The following HTR1F variants were observed in gnomAD, a reference collection of about 807,000 sequenced individuals.
HTR1F encodes 5-hydroxytryptamine (serotonin) receptor 1F, G protein-coupled.
HTR1F carries 17 observed loss-of-function variants against 24.0 expected under a neutral mutation model. That is an observed-to-expected ratio of 0.71 (90% confidence interval 0.48 to 1.06). The LOEUF (loss-of-function observed/expected upper bound fraction) is 1.06, where lower values mean the gene tolerates loss of function less well. Ranked by LOEUF, HTR1F falls within the 50% of genes least tolerant of loss-of-function variation. The pLI is 0.00. For synonymous variants in HTR1F, 186 were observed against 156.8 expected (o/e 1.19, Z -1.39); for missense variants, 391 against 427.8 (o/e 0.91, Z 0.76).
chr3:87,808,544 G>T (rs1704109869), intron 1 of HTR1F, among the ~76,000 whole-genome samples: 1 of 150,034 alleles, frequency 6.7e-6, no homozygotes, highest in South Asian at 2.1e-4. Flanking sequence ...TATTTATTTT[G>T]ATTATCTTTA....
intron 2 of HTR1F, among the ~76,000 whole-genome samples, chr3:87,897,233 G>GTT (rs1299789543): frequency 3.2e-5 from 4 of 126,784 alleles, no homozygotes; most frequent in African/African-American, 1.1e-4. Flanking sequence ...ATATATAAAT[G>GTT]TTTTATATAT....
At chr3:87,903,073 T>G (rs572600844) in intron 2 of HTR1F, among the ~76,000 whole-genome samples, 2 of 151,912 alleles carry the variant, frequency 1.3e-5, no homozygotes, top group Non-Finnish European at 2.9e-5. Flanking sequence ...GCTAGCCATA[T>G]GTAGAAAGCT....
At chr3:87,804,315 T>C (rs962480510) in intron 1 of HTR1F, among the ~76,000 whole-genome samples, 6 of 152,186 alleles carry the variant, frequency 3.9e-5, no homozygotes, top group South Asian at 2.1e-4. Flanking sequence ...TGCATGCCTG[T>C]GGTCCCAGCT....
At chr3:87,810,306 C>T (rs1229798961) in intron 1 of HTR1F, among the ~76,000 whole-genome samples, 2 of 152,196 alleles carry the variant, frequency 1.3e-5, no homozygotes, top group African/African-American at 2.4e-5. Context: ...CTTCCTTCAT[C>T]GGAAATGTCA....
At chr3:87,897,969 A>C (rs1465117584) in intron 2 of HTR1F, among the ~76,000 whole-genome samples, 3 of 152,112 alleles carry the variant, frequency 2.0e-5, no homozygotes, top group Non-Finnish European at 4.4e-5. Flanking sequence ...AGCCTGGCAC[A>C]GATTCAGTGA....
At chr3:87,909,766 C>T (rs1703737796) in intron 2 of HTR1F, among the ~76,000 whole-genome samples, 1 of 152,014 alleles carries the variant, frequency 6.6e-6, no homozygotes, top group Non-Finnish European at 1.5e-5. Context: ...CTGCTATATT[C>T]CTCCATTCAC....
intron 2 of HTR1F, among the ~76,000 whole-genome samples, chr3:87,875,695 C>G (rs570625274): frequency 6.6e-6 from 1 of 151,748 alleles, no homozygotes. Context: ...GAGGCCGAGG[C>G]GGGCAGATCA....
intron 2 of HTR1F, among the ~76,000 whole-genome samples, chr3:87,880,763 A>G (rs77506527): frequency 0.04 from 6,055 of 152,098 alleles, 164 homozygotes; most frequent in Middle Eastern, 0.058. Context: ...CAAAGTAGCA[A>G]TAATAGGTAA....
intron 2 of HTR1F, among the ~76,000 whole-genome samples, chr3:87,900,391 G>C (rs1331927652): frequency 6.6e-6 from 1 of 152,234 alleles, no homozygotes; most frequent in East Asian, 1.9e-4. Context: ...GAAGGAAAGA[G>C]TTGTCAGAAA....
chr3:87,991,417 A>C lies in HTR1F; in HGVS notation c.668A>C (p.Glu223Ala). Residue 223 changes from glutamate (E) to alanine (A), a missense_variant, in exon 3 of 3, where the codon GAG becomes GCG. Glu to Ala is a moderately radical substitution (Grantham distance 107). Coordinates refer to ENST00000319595, the MANE Select transcript of HTR1F (RefSeq NM_001322209.2). ...HKRQASRIAK[E>A]EVNGQVLLES... ...AGACAAGCAAGTAGGATTGCAAAGG[A>C]GGAGGTGAATGGCCAAGTCCTTTTG... 1 of 1,614,024 alleles carries C rather than the reference A, an allele frequency of 6.2e-7. No homozygotes were observed. The highest frequency in any genetic ancestry group is 8.5e-7 in the Non-Finnish European group (1 of 1,179,962).
intron 1 of HTR1F, among the ~76,000 whole-genome samples, chr3:87,803,770 A>G (rs1461956903): frequency 6.6e-6 from 1 of 152,228 alleles, no homozygotes; most frequent in Non-Finnish European, 1.5e-5. Flanking sequence ...GAAGAATAAT[A>G]TAGAACTACA....
chr3:87,929,392 C>A (rs1704205630), intron 2 of HTR1F, among the ~76,000 whole-genome samples: 2 of 152,122 alleles, frequency 1.3e-5, no homozygotes, highest in Non-Finnish European at 2.9e-5. Flanking sequence ...TATGGTTTTA[C>A]CTATTTTCAG....
intron 2 of HTR1F, among the ~76,000 whole-genome samples, chr3:87,954,885 C>T (rs1314774746): frequency 2.0e-5 from 3 of 151,370 alleles, no homozygotes; most frequent in Non-Finnish European, 4.4e-5. Context: ...CTGTTTTCAA[C>T]CCCGTTCAAC....
intron 2 of HTR1F, among the ~76,000 whole-genome samples, chr3:87,887,476 G>T (rs1285911071): frequency 7.9e-5 from 12 of 152,094 alleles, no homozygotes; most frequent in African/African-American, 2.7e-4. Flanking sequence ...TTGACAAATG[G>T]GATCTAATTA....
chr3:87,920,029 T>TTATATA (rs74326472), intron 2 of HTR1F, among the ~76,000 whole-genome samples: 1,429 of 142,010 alleles, frequency 0.01, 19 homozygotes, highest in African/African-American at 0.021. Context: ...ATATGTAATA[T>TTATATA]TATATATATA....
At chr3:87,817,233 G>A (rs369670351) in intron 1 of HTR1F, among the ~76,000 whole-genome samples, 9 of 152,054 alleles carry the variant, frequency 5.9e-5, no homozygotes, top group East Asian at 1.9e-4. Flanking sequence ...GCTATCATGC[G>A]GGAGACAGAT....
intron 2 of HTR1F, among the ~76,000 whole-genome samples, chr3:87,961,856 T>C (rs1705068760): frequency 6.8e-6 from 1 of 147,988 alleles, no homozygotes; most frequent in South Asian, 2.1e-4. Flanking sequence ...TATGACAAAA[T>C]GTGTAAGGGT....
At position 87,945,861 on chromosome 3, in the gene HTR1F, G is replaced by A. The variant is rs1163518306; in HGVS notation, c.-42-44847G>A. 2.0e-5 allele frequency among the ~76,000 whole-genome samples: 3 copies of A among 151,050 alleles called. No individual in the cohort carries two copies. In the East Asian group the frequency reaches 6.4e-4, roughly 32 times the overall value. ...CTTCTTGGTCGCCAAAATGTTACCG[G>A]GGGGGTCCTTGCTCCCAGAGCTCCC... On this transcript the variant is annotated intron_variant, in intron 2 of 2. Coordinates refer to ENST00000319595, the MANE Select transcript of HTR1F (RefSeq NM_001322209.2).
intron 2 of HTR1F, among the ~76,000 whole-genome samples, chr3:87,898,976 G>C (rs1389352175): frequency 6.6e-6 from 1 of 151,668 alleles, no homozygotes; most frequent in African/African-American, 2.4e-5. Context: ...TTCCTTTTTT[G>C]TTCTGAAATT....
Sources: gnomAD v4.1 joint callset for allele counts (sites outside exome capture counted in the v4.1 genomes callset) on GRCh38, gnomAD v4.1.1 for gene constraint, MANE v1.5 for transcripts, NCBI Gene and HGNC (gene_info 2026-07-23, HGNC 2026-07-21) for gene names.